TPP2: variants seen among roughly 807,000 people sequenced by gnomAD.
TPP2 encodes the protein tripeptidyl peptidase 2.
In TPP2, 34 loss-of-function variants were observed where a neutral mutation model predicts 155.9. That is an observed-to-expected ratio of 0.22 (90% CI 0.17 to 0.29). TPP2 has a LOEUF of 0.29. TPP2 is among the 10% of genes least tolerant of loss of function. The pLI, the probability that TPP2 is intolerant of heterozygous loss-of-function variation, is 1.00. For synonymous variants in TPP2, 510 were observed against 529.4 expected (o/e 0.96, Z 0.50); for missense variants, 1,028 against 1,522.3 (o/e 0.68, Z 5.40).
At chr13:102,640,753 C>T (rs753609922) in intron 16 of TPP2, among the ~76,000 whole-genome samples, 12 of 140,820 alleles carry the variant, frequency 8.5e-5, no homozygotes, top group African/African-American at 1.1e-4. Flanking sequence ...CCAGTTCAAA[C>T]GATTCTCCTT....
chr13:102,666,544 C>T (rs76133942), intron 27 of TPP2, among the ~76,000 whole-genome samples: 2 of 151,930 alleles, frequency 1.3e-5, no homozygotes, highest in Non-Finnish European at 2.9e-5. Flanking sequence ...TCTCTGCAGC[C>T]CCCGACATTA....
At chr13:102,612,120 AAAAAT>A (rs762326644) in intron 2 of TPP2, among the ~76,000 whole-genome samples, 21 of 152,332 alleles carry the variant, frequency 1.4e-4, no homozygotes, top group Middle Eastern at 3.4e-3. Context: ...GGTTTTTAAA[AAAAAT>A]AAAATAAAGA....
rs2139518499 is a variant in TPP2, at chr13:102,640,466, A to G, written c.2020+90A>G. The G allele has an allele frequency of 1.5e-5, 15 of 979,988 alleles. 1 individual carries two copies. The highest frequency in any genetic ancestry group is 2.1e-5 in the Non-Finnish European group (13 of 633,810). The allele number at this position is 979,988 out of a possible 1,614,324, so 60.7% of individuals were successfully genotyped here. On this transcript the variant is annotated intron_variant, in intron 16 of 29. Coordinates refer to ENST00000376052, the MANE Select transcript of TPP2 (RefSeq NM_001330588.2). ...TGAGGTTCGTTTATCTGTAGCATGT[A>G]TTTCCCTGGTACTAATATATGTATT...
intron 9 of TPP2, 24 bp downstream of exon 9, chr13:102,629,633 GA>G (rs751590572): frequency 1.3e-6 from 2 of 1,548,516 alleles, no homozygotes; most frequent in Non-Finnish European, 8.6e-7. Context: ...TTTAGAAATA[GA>G]TTTGTTTAGA....
At chr13:102,626,978 A>C (rs1475390784) in intron 6 of TPP2, 34 bp from the exon 7 acceptor site, 11 of 1,481,780 alleles carry the variant, frequency 7.4e-6, no homozygotes, top group Non-Finnish European at 9.0e-6. Context: ...GTCCATGAGA[A>C]TGTTTTGTCA....
intron 22 of TPP2, 100 bp downstream of exon 22, chr13:102,649,251 AT>A (rs907026909): frequency 0.013 from 14,131 of 1,090,420 alleles, no homozygotes; most frequent in South Asian, 0.022. Flanking sequence ...GGATGTAGTC[AT>A]TTTTTTTTTG....
At chr13:102,651,756 A>G (rs1207347562) in intron 24 of TPP2, among the ~76,000 whole-genome samples, 2 of 151,254 alleles carry the variant, frequency 1.3e-5, no homozygotes, top group African/African-American at 4.9e-5. Context: ...TTTTAGCCAT[A>G]TAAGCTAAAG....
At chr13:102,664,417 G>A (rs1884453659) in intron 26 of TPP2, among the ~76,000 whole-genome samples, 1 of 151,766 alleles carries the variant, frequency 6.6e-6, no homozygotes, top group South Asian at 2.1e-4. Context: ...CCTGTGTTCA[G>A]GTAGTGTGCA....
chr13:102,660,036 AACAG>A (rs1375261545), intron 25 of TPP2, among the ~76,000 whole-genome samples: 1 of 151,552 alleles, frequency 6.6e-6, no homozygotes, highest in Non-Finnish European at 1.5e-5. Flanking sequence ...TAATAGATAC[AACAG>A]ATAGAATACT....
intron 27 of TPP2, among the ~76,000 whole-genome samples, chr13:102,672,496 AACC>A (rs1885044949): frequency 6.6e-6 from 1 of 152,274 alleles, no homozygotes; most frequent in East Asian, 1.9e-4. Flanking sequence ...GCTTTTGCAA[AACC>A]TCGCGGCCTT....
At chr13:102,651,472 T>C in intron 24 of TPP2, 75 bp downstream of exon 24, 2 of 1,461,276 alleles carry the variant, frequency 1.4e-6, no homozygotes, top group Non-Finnish European at 1.9e-6. Context: ...GTCACTATTA[T>C]AAACCTTTTT....
rs746801019 is a variant in TPP2, at chr13:102,646,369, C to G, written c.2469C>G (p.Val823=). 1 of 1,612,598 alleles carries G rather than the reference C, an allele frequency of 6.2e-7. No homozygotes were observed. Among genetic ancestry groups the G allele is most frequent in the Non-Finnish European group, 8.5e-7 (1 of 1,179,424 alleles). ...LPNNRQLYEM[V]LTYNFHQPKS... is the part of the protein sequence containing the mutation. ...ATAACCGTCAACTTTATGAGATGGT[C>G]CTGACATATAACTTTCATCAAGTAA... The change falls in exon 20 of 30, where the codon GTC becomes GTG. Residue 823 remains valine, a synonymous_variant. Transcript: ENST00000376052.
In TPP2 at chr13:102,648,956, G is replaced by T. The variant is rs1883322005; in HGVS notation, c.2678G>T (p.Arg893Leu). The T allele has an allele frequency of 6.2e-7, 1 of 1,612,820 alleles. No homozygotes were observed. Among genetic ancestry groups the T allele is most frequent in the African/African-American group, 1.3e-5 (1 of 74,850 alleles). The change falls in exon 22 of 30, where the codon CGC (arginine) becomes CTC (leucine). Residue 893 changes from arginine (R) to leucine (L), a missense_variant. Arg to Leu is a moderately radical substitution (Grantham distance 102). This residue lies in a region of TPP2 where 179 missense variants were observed against 274.7 expected (regional missense o/e 0.65). Transcript: ENST00000376052. ...GATTATACAATTCGACTACAGATTC[G>T]CCATGAGCAAATCAGTGATTTGGAA... is the stretch of plus-strand genomic sequence containing the variant. ...KGDYTIRLQI[R>L]HEQISDLERL...
rs377438262 is a variant in TPP2, at chr13:102,663,630, T to A, written c.3144-18T>A. The A allele has an allele frequency of 9.8e-6, 15 of 1,533,266 alleles. No homozygotes were observed. Among genetic ancestry groups the A allele is most frequent in the Non-Finnish European group, 3.5e-6 (4 of 1,136,640 alleles). The allele number at this position is 1,533,266 out of a possible 1,614,324, so 95.0% of individuals were successfully genotyped here. ...TAAAAGAAAAAAGTAAATATTTCTCTCCTTCTTACATACATAGGCTGGATT... is the reference window on the plus strand; with the variant it reads ...TAAAAGAAAAAAGTAAATATTTCTCACCTTCTTACATACATAGGCTGGATT... On this transcript the variant is annotated intron_variant, in intron 25 of 29. Transcript: ENST00000376052.
chr13:102,604,819 C>T lies in TPP2; in HGVS notation c.192C>T (p.Ile64=), dbSNP rs376421521. The T allele has an allele frequency of 1.7e-5, 28 of 1,611,556 alleles. No individual in the cohort carries two copies. The highest frequency in any genetic ancestry group is 5.4e-5 in the African/African-American group (4 of 74,708). ...TTACAACTGATGGAAAACCAAAAATCGTTGATATCATTGATACAACAGGAA... is the reference window on the plus strand; with the variant it reads ...TTACAACTGATGGAAAACCAAAAATTGTTGATATCATTGATACAACAGGAA... ...MQVTTDGKPK[I]VDIIDTTGSG... Residue 64 remains isoleucine (I), a synonymous_variant, in exon 2 of 30, where the codon ATC becomes ATT. Coordinates refer to ENST00000376052, the MANE Select transcript of TPP2 (RefSeq NM_001330588.2).
In TPP2 at chr13:102,628,100, G is replaced by A. The variant is rs139093235; in HGVS notation, c.1016+176G>A. 2.0e-3 allele frequency among the ~76,000 whole-genome samples: 303 copies of A among 152,176 alleles called. 3 individuals are homozygous for A. Among genetic ancestry groups the A allele is most frequent in the African/African-American group, 7.0e-3 (290 of 41,512 alleles). ...TGAAGTCCTGTTTGGCTCGTAGGCC[G>A]CACACCCCCGTTCCTGTGTTCACAT... On this transcript the variant is annotated intron_variant, in intron 8 of 29. Coordinates refer to ENST00000376052, the MANE Select transcript of TPP2 (RefSeq NM_001330588.2).
In TPP2 at chr13:102,636,224, G is replaced by A. The variant is rs970544988; in HGVS notation, c.1510G>A (p.Val504Ile). Reference sequence around the variant, plus strand: ...TTACCATGTATATTATTTTCACTAGGTTGATAAAGCCTATGACTACCTCGT... The same window carrying A: ...TTACCATGTATATTATTTTCACTAGATTGATAAAGCCTATGACTACCTCGT... ...VFAQGHGIIQ[V>I]DKAYDYLVQN... Residue 504 changes from valine (V) to isoleucine (I), a missense_variant and splice_region_variant, in exon 13 of 30, where the codon GTT becomes ATT. Physicochemically the swap from Val to Ile is conservative, Grantham distance 29 (BLOSUM62 3). Around this residue, in one of 7 missense-constraint regions of TPP2, gnomAD observed 325 missense variants for 463.7 expected, o/e 0.70. Coordinates refer to ENST00000376052, the MANE Select transcript of TPP2 (RefSeq NM_001330588.2). The A allele has an allele frequency of 5.0e-6, 8 of 1,603,676 alleles. No homozygotes were observed. In the South Asian group the frequency reaches 9.0e-5, roughly 18 times the overall value.
At chr13:102,628,032 A>G in intron 8 of TPP2, 108 bp downstream of exon 8, 1 of 874,374 alleles carries the variant, frequency 1.1e-6, no homozygotes, top group South Asian at 1.6e-5. Flanking sequence ...GAACAGTTGC[A>G]GTGGTTAGAT....
At chr13:102,629,456 G>A in intron 8 of TPP2, 26 bp from the exon 9 acceptor site, 1 of 1,474,028 alleles carries the variant, frequency 6.8e-7, no homozygotes, top group Non-Finnish European at 8.9e-7. Flanking sequence ...CTGATTATAT[G>A]TTCAAAGGAA....
Sources: gnomAD v4.1 joint callset for allele counts (sites outside exome capture counted in the v4.1 genomes callset) on GRCh38, gnomAD v4.1.1 for gene constraint, gnomAD v4.1.1 regional missense constraint, MANE v1.5 for transcripts, NCBI Gene and HGNC (gene_info 2026-07-23, HGNC 2026-07-21) for gene names.